Variants in DLG2 observed in about 807,000 individuals in gnomAD.
DLG2 encodes the protein discs large MAGUK scaffold protein 2, also known as disks large homolog 2.
Under a neutral mutation model 132.5 loss-of-function variants are expected in DLG2, and 45 were observed. That is an observed-to-expected ratio of 0.34 (90% confidence interval 0.27 to 0.44). The LOEUF is 0.44. Ranked by LOEUF, DLG2 falls within the 20% of genes least tolerant of loss-of-function variation. DLG2 has a pLI of 1.00. For synonymous variants in DLG2, 424 were observed against 419.6 expected, an observed-to-expected ratio of 1.01 and a Z score of -0.13; for missense variants, 1,045 against 1,196.9, an observed-to-expected ratio of 0.87 and a Z score of 1.87.
chr11:84,616,194 T>C (rs999713238), intron 6 of DLG2, among the ~76,000 whole-genome samples: 2 of 152,188 alleles, frequency 1.3e-5, no homozygotes, highest in East Asian at 3.9e-4. Context: ...GGGGCAGTTG[T>C]AGGAAGGAAG....
At chr11:85,529,798 T>C (rs2075057944) in intron 3 of DLG2, among the ~76,000 whole-genome samples, 1 of 152,144 alleles carries the variant, frequency 6.6e-6, no homozygotes. Context: ...CCAAATACAG[T>C]TATATGTTTT....
At chr11:84,932,514 C>T (rs1199816062) in intron 6 of DLG2, among the ~76,000 whole-genome samples, 1 of 152,060 alleles carries the variant, frequency 6.6e-6, no homozygotes, top group Non-Finnish European at 1.5e-5. Context: ...CACCCCTCAC[C>T]CCCACCACAC....
intron 12 of DLG2, among the ~76,000 whole-genome samples, chr11:83,968,358 C>T (rs1055479751): frequency 6.6e-6 from 1 of 152,094 alleles, no homozygotes; most frequent in Admixed American, 6.5e-5. Context: ...TCCATTAAGC[C>T]GTAAGCTTCT....
At chr11:83,464,036 A>AAATG (rs926797529) in intron 26 of DLG2, among the ~76,000 whole-genome samples, 96 of 152,362 alleles carry the variant, frequency 6.3e-4, no homozygotes, top group African/African-American at 2.1e-3. Context: ...ATAGATGAGT[A>AAATG]AATGAATGAA....
At chr11:85,514,528 C>G (rs920193653) in intron 3 of DLG2, among the ~76,000 whole-genome samples, 4 of 151,924 alleles carry the variant, frequency 2.6e-5, no homozygotes, top group African/African-American at 7.2e-5. Context: ...TTTACAGATT[C>G]TTACAGCACT....
intron 6 of DLG2, among the ~76,000 whole-genome samples, chr11:84,672,281 A>T (rs1049329376): frequency 1.3e-5 from 2 of 152,210 alleles, no homozygotes; most frequent in Admixed American, 1.3e-4. Context: ...CTCTGCCTAA[A>T]CCTAAATGAT....
chr11:85,122,624 C>A (rs956243434), intron 5 of DLG2, among the ~76,000 whole-genome samples: 2 of 151,954 alleles, frequency 1.3e-5, no homozygotes, highest in African/African-American at 2.4e-5. Context: ...GGATACAAAT[C>A]AATTATCGAT....
In DLG2 at chr11:84,259,122, A is replaced by C. The variant is rs984335837; in HGVS notation, c.520-7831T>G. On this transcript the variant is annotated intron_variant, in intron 7 of 27. Transcript: ENST00000376104. ...CCCTGTCTCTACTAAAGATACAAAA[A>C]TTAGCCGGGCATGGGGGTGGGTGCC... 1.5e-4 allele frequency among the ~76,000 whole-genome samples: 23 copies of C among 152,140 alleles called. No individual in the cohort carries two copies. The Middle Eastern group carries it at 0.01, about 67-fold the overall frequency.
intron 6 of DLG2, among the ~76,000 whole-genome samples, chr11:84,833,157 G>T (rs912639141): frequency 6.6e-6 from 1 of 151,308 alleles, no homozygotes; most frequent in African/African-American, 2.4e-5. Flanking sequence ...AATTTAAAAA[G>T]AAAAAAAGAA....
chr11:84,599,236 C>T (rs1435464314), intron 6 of DLG2, among the ~76,000 whole-genome samples: 1 of 152,060 alleles, frequency 6.6e-6, no homozygotes, highest in East Asian at 1.9e-4. Context: ...CAAAGCAAGA[C>T]TCCATCTCAA....
chr11:83,666,747 T>C (rs1592066252), intron 18 of DLG2, among the ~76,000 whole-genome samples: 1 of 152,094 alleles, frequency 6.6e-6, no homozygotes, highest in Non-Finnish European at 1.5e-5. Context: ...CCACCATGAG[T>C]TGAAAAGAAC....
At chr11:84,163,629 T>C in intron 8 of DLG2, 118 bp from the exon 9 acceptor site, 3 of 748,248 alleles carry the variant, frequency 4.0e-6, no homozygotes, top group Non-Finnish European at 6.4e-6. Context: ...TAACCACATT[T>C]TCTTGATATT....
At chr11:85,214,183 C>T (rs929788150) in intron 4 of DLG2, among the ~76,000 whole-genome samples, 15 of 152,158 alleles carry the variant, frequency 9.9e-5, no homozygotes, top group Admixed American at 2.6e-4. Context: ...CCAGTCTCTA[C>T]GGTCTACCCT....
At chr11:85,402,072 C>A (rs187027238) in intron 3 of DLG2, among the ~76,000 whole-genome samples, 1 of 152,026 alleles carries the variant, frequency 6.6e-6, no homozygotes, top group Non-Finnish European at 1.5e-5. Context: ...GGAGGCATCA[C>A]GCTACCTGAC....
At chr11:83,911,686 C>G (rs1333636270) in intron 15 of DLG2, among the ~76,000 whole-genome samples, 3 of 152,008 alleles carry the variant, frequency 2.0e-5, no homozygotes, top group African/African-American at 4.8e-5. Flanking sequence ...TATTAAATCA[C>G]TTTATTTTTC....
At chr11:84,926,902 TG>T (rs2092996902) in intron 6 of DLG2, among the ~76,000 whole-genome samples, 1 of 152,034 alleles carries the variant, frequency 6.6e-6, no homozygotes, top group Non-Finnish European at 1.5e-5. Flanking sequence ...TCTCTCTGAA[TG>T]TGAACATCTC....
intron 17 of DLG2, among the ~76,000 whole-genome samples, chr11:83,813,302 C>T (rs926575503): frequency 2.0e-5 from 3 of 152,178 alleles, no homozygotes; most frequent in African/African-American, 7.2e-5. Context: ...CGTGCCGTAT[C>T]AGAGGAAGAC....
At chr11:84,486,202 A>C (rs2099150446) in intron 7 of DLG2, among the ~76,000 whole-genome samples, 1 of 151,922 alleles carries the variant, frequency 6.6e-6, no homozygotes, top group Non-Finnish European at 1.5e-5. Flanking sequence ...GATCTCAATA[A>C]AGGGTTGAGT....
At chr11:84,650,871 G>GTATATATATATATATATATATATATA (rs1398321637) in intron 6 of DLG2, among the ~76,000 whole-genome samples, 1 of 124,648 alleles carries the variant, frequency 8.0e-6, no homozygotes, top group African/African-American at 3.5e-5. Context: ...GTGTGTGTGT[G>GTATATATATATATATATATATATATA]TGTATATATA....
Sources: allele counts gnomAD v4.1 joint callset (sites outside exome capture counted in the v4.1 genomes callset), GRCh38; gene constraint gnomAD v4.1.1; transcripts MANE v1.5; gene names NCBI Gene and HGNC (gene_info 2026-07-23, HGNC 2026-07-21).